RAB22A: variants seen among roughly 807,000 people sequenced by gnomAD.
The protein encoded by RAB22A is RAB22A, member RAS oncogene family.
Under a neutral mutation model 30.2 loss-of-function variants are expected in RAB22A, and 13 were observed. The ratio of observed to expected loss-of-function variants is 0.43; its 90% CI spans 0.28 to 0.68. RAB22A has a LOEUF of 0.68. Ranked by LOEUF, RAB22A falls within the 30% of genes least tolerant of loss-of-function variation. The probability of loss-of-function intolerance (pLI) is 0.18; values close to 1 mark genes in which losing one functional copy is unlikely to be tolerated. For missense variants in RAB22A, 177 were observed against 246.8 expected (o/e 0.72, Z 1.89); for synonymous variants, 89 against 87.2 (o/e 1.02, Z -0.11).
rs558340699 is a variant in RAB22A at position 58,346,332 on chromosome 20, C to T, written c.198+2533C>T. On this transcript the variant is annotated intron_variant, in intron 3 of 6. Transcript: ENST00000244040. ...TTCAGTGACTTCCCACTGCACCTCT[C>T]ATAACAGCCACACTCTGAACAGAGA... Among the ~76,000 whole-genome samples, 4 of 152,316 alleles carry T rather than the reference C, an allele frequency of 2.6e-5. No individual in the cohort carries two copies. In the South Asian group the frequency reaches 8.3e-4, roughly 32 times the overall value.
intron 2 of RAB22A, among the ~76,000 whole-genome samples, chr20:58,338,524 A>G (rs2080741457): frequency 6.6e-6 from 1 of 152,190 alleles, no homozygotes; most frequent in African/African-American, 2.4e-5. Context: ...CTTAGATCTC[A>G]TTAGCCTAAG....
intron 2 of RAB22A, among the ~76,000 whole-genome samples, chr20:58,313,347 C>G (rs1986269076): frequency 6.6e-6 from 1 of 152,094 alleles, no homozygotes; most frequent in Non-Finnish European, 1.5e-5. Flanking sequence ...TCTTTTTCCT[C>G]AGTTTTAGAA....
At chr20:58,345,162 T>C (rs1331613449) in intron 3 of RAB22A, among the ~76,000 whole-genome samples, 1 of 152,160 alleles carries the variant, frequency 6.6e-6, no homozygotes, top group African/African-American at 2.4e-5. Context: ...CAAGTTTCAG[T>C]TACCCCTCAC....
At chr20:58,320,136 T>C (rs541792271) in intron 2 of RAB22A, among the ~76,000 whole-genome samples, 3 of 152,366 alleles carry the variant, frequency 2.0e-5, no homozygotes, top group Admixed American at 6.5e-5. Context: ...TCTTCTCTTC[T>C]ACTTTTTTGG....
chr20:58,353,539 GTAAGT>G lies in RAB22A; in HGVS notation c.377+4_377+8del. 6.3e-7 allele frequency: 1 copy of G among 1,581,434 alleles called. No individual in the cohort carries two copies. Among genetic ancestry groups the G allele is most frequent in the Non-Finnish European group, 8.7e-7 (1 of 1,150,500 alleles). ...ATAAATGTGATCTTATCGATGTAAG[GTAAGT>G]TATTAGAACGAGAGATTACAATACC... On this transcript the variant is annotated splice_donor_variant and splice_donor_5th_base_variant and intron_variant, in intron 5 of 6. Transcript: ENST00000244040. LOFTEE classifies it high-confidence loss of function.
At chr20:58,334,924 C>G (rs573146738) in intron 2 of RAB22A, among the ~76,000 whole-genome samples, 13 of 152,110 alleles carry the variant, frequency 8.5e-5, no homozygotes, top group Non-Finnish European at 1.8e-4. Context: ...GGTTTAACTA[C>G]TTTGGAAGAC....
At chr20:58,342,031 A>T (rs1054599590) in intron 2 of RAB22A, among the ~76,000 whole-genome samples, 1 of 152,222 alleles carries the variant, frequency 6.6e-6, no homozygotes, top group South Asian at 2.1e-4. Context: ...TTAAATAATA[A>T]TAATAATACC....
intron 2 of RAB22A, among the ~76,000 whole-genome samples, chr20:58,337,700 C>T (rs558799018): frequency 6.2e-4 from 95 of 152,272 alleles, no homozygotes; most frequent in Non-Finnish European, 1.1e-3. Flanking sequence ...AACAGATTGC[C>T]CAGTACAAAT....
intron 2 of RAB22A, among the ~76,000 whole-genome samples, chr20:58,317,765 C>T (rs554013748): frequency 1.3e-5 from 2 of 152,006 alleles, no homozygotes; most frequent in African/African-American, 4.8e-5. Context: ...TCACCATGGT[C>T]TTGATCTCCT....
At chr20:58,340,975 G>T (rs540623475) in intron 2 of RAB22A, among the ~76,000 whole-genome samples, 1 of 152,306 alleles carries the variant, frequency 6.6e-6, no homozygotes, top group South Asian at 2.1e-4. Context: ...AGACCAGTTT[G>T]ATGACTGCAG....
intron 2 of RAB22A, among the ~76,000 whole-genome samples, chr20:58,315,294 C>G (rs1986313793): frequency 6.6e-6 from 1 of 152,164 alleles, no homozygotes; most frequent in African/African-American, 2.4e-5. Context: ...GGACACCTCA[C>G]CTTCACCTGT....
At chr20:58,320,461 T>C (rs1986431642) in intron 2 of RAB22A, among the ~76,000 whole-genome samples, 1 of 152,216 alleles carries the variant, frequency 6.6e-6, no homozygotes, top group Non-Finnish European at 1.5e-5. Context: ...TTTTTGATAG[T>C]GCTGATTTGA....
At chr20:58,316,271 G>A (rs1484957837) in intron 2 of RAB22A, among the ~76,000 whole-genome samples, 1 of 152,074 alleles carries the variant, frequency 6.6e-6, no homozygotes, top group East Asian at 1.9e-4. Flanking sequence ...CCTGCACCAG[G>A]TCCCCTCGTT....
intron 3 of RAB22A, among the ~76,000 whole-genome samples, chr20:58,350,164 T>G (rs1382822253): frequency 2.0e-5 from 3 of 151,596 alleles, no homozygotes; most frequent in African/African-American, 7.3e-5. Context: ...GAATGGAAAC[T>G]AATAAAGAAT....
chr20:58,357,982 G>C (rs1207491615), intron 6 of RAB22A, among the ~76,000 whole-genome samples: 1 of 152,170 alleles, frequency 6.6e-6, no homozygotes, highest in Admixed American at 6.5e-5. Context: ...CATAAAGATG[G>C]ACAAATAGGA....
intron 2 of RAB22A, among the ~76,000 whole-genome samples, chr20:58,312,567 C>T (rs1986252115): frequency 7.1e-6 from 1 of 140,612 alleles, no homozygotes; most frequent in Admixed American, 7.8e-5. Flanking sequence ...TGGCTCACTG[C>T]AAGCTCCGCC....
chr20:58,336,336 C>A (rs1205161359), intron 2 of RAB22A, among the ~76,000 whole-genome samples: 1 of 152,058 alleles, frequency 6.6e-6, no homozygotes, highest in African/African-American at 2.4e-5. Flanking sequence ...AATTATCCAG[C>A]CCAAAATGTC....
intron 2 of RAB22A, among the ~76,000 whole-genome samples, chr20:58,338,066 G>A (rs531582693): frequency 7.3e-5 from 11 of 151,116 alleles, no homozygotes; most frequent in African/African-American, 1.9e-4. Context: ...CGCTCTTGTC[G>A]CCCAGACTGG....
At chr20:58,322,417 A>T (rs756825087) in intron 2 of RAB22A, among the ~76,000 whole-genome samples, 3 of 152,194 alleles carry the variant, frequency 2.0e-5, no homozygotes, top group Admixed American at 6.5e-5. Flanking sequence ...TCAAATCTTC[A>T]GTCATATTAG....
Sources: allele counts gnomAD v4.1 joint callset (sites outside exome capture counted in the v4.1 genomes callset), GRCh38; gene constraint gnomAD v4.1.1; transcripts MANE v1.5; gene names NCBI Gene and HGNC (gene_info 2026-07-23, HGNC 2026-07-21).